Variants in FAM78A observed in about 807,000 individuals in gnomAD.
FAM78A encodes the protein family with sequence similarity 78 member A.
In FAM78A, 12 loss-of-function variants were observed where a neutral mutation model predicts 22.6. The ratio of observed to expected loss-of-function variants is 0.53; its 90% CI spans 0.34 to 0.86. The LOEUF (loss-of-function observed/expected upper bound fraction) is 0.86, where lower values mean the gene tolerates loss of function less well. FAM78A is among the 40% of genes least tolerant of loss of function. The pLI is 0.02. For missense variants in FAM78A, 322 were observed against 396.1 expected (o/e 0.81, Z 1.59); for synonymous variants, 151 against 155.8 (o/e 0.97, Z 0.23).
At position 131,275,760 on chromosome 9, in the gene FAM78A, T is replaced by A; in HGVS notation, c.323+97A>T. 1 of 1,305,136 alleles carries A rather than the reference T, an allele frequency of 7.7e-7. No individual in the cohort carries two copies. Among genetic ancestry groups the A allele is most frequent in the Non-Finnish European group, 1.0e-6 (1 of 961,370 alleles). 80.8% of individuals were successfully genotyped at this position (1,305,136 alleles called of 1,614,324 possible). A position where few individuals can be genotyped will look rare whatever the true frequency, so the allele number is the denominator to read the frequency against. On this transcript the variant is annotated intron_variant, in intron 1 of 1. Transcript: ENST00000372271. This position sits in a 1 kb window ranked among gnomAD's most constrained non-coding sequence, Gnocchi z 4.6. ...CCCTCTGGCCTCCGTCCTGTCTTCA[T>A]GGTATCTCCACCTTCCCCCTATCCG...
chr9:131,262,054 T>C (rs551158288), intron 1 of FAM78A, among the ~76,000 whole-genome samples: 21 of 151,616 alleles, frequency 1.4e-4, no homozygotes, highest in Middle Eastern at 6.8e-3. Context: ...TGGTGAAACC[T>C]CGTCTCTACT....
rs2131193080 is a variant in FAM78A, at chr9:131,272,477, A to G, written c.323+3380T>C. ...CAGGACACCCCCCACCAGCACAGAC[A>G]GAATTACCTGACCCTGGGCCAGGCA... On this transcript the variant is annotated intron_variant, in intron 1 of 1. Transcript: ENST00000372271. This position sits in a 1 kb window ranked among gnomAD's most constrained non-coding sequence, Gnocchi z 4.1. 6.6e-6 allele frequency among the ~76,000 whole-genome samples: 1 copy of G among 152,362 alleles called. No individual in the cohort carries two copies. The highest frequency in any genetic ancestry group is 1.5e-5 in the Non-Finnish European group (1 of 68,026).
chr9:131,279,841 G>T (rs1835525356), upstream of FAM78A, among the ~76,000 whole-genome samples: 1 of 152,190 alleles, frequency 6.6e-6, no homozygotes, highest in African/African-American at 2.4e-5. Context: ...AAAACCCAGG[G>T]ATCAGGGGAT....
upstream of FAM78A, among the ~76,000 whole-genome samples, chr9:131,278,281 C>T (rs1835510406): frequency 6.6e-6 from 1 of 152,188 alleles, no homozygotes; most frequent in African/African-American, 2.4e-5. Context: ...GCCAGGTGGG[C>T]TGCTCCCAGT....
In FAM78A at chr9:131,261,197, A is replaced by T; in HGVS notation, c.477T>A (p.Asn159Lys). 1.2e-6 allele frequency: 2 copies of T among 1,613,514 alleles called. No homozygotes were observed. Among genetic ancestry groups the T allele is most frequent in the Non-Finnish European group, 1.7e-6 (2 of 1,179,948 alleles). ...ATGTGACGCTGGGGTAAAAGTTGTC[A>T]TTCATGCTGATGATGAACTTGGAGT... The part of the protein sequence containing the change: ...KRDSKFIISM[N>K]DNFYPSVTWA... The change falls in exon 2 of 2, where the codon AAT becomes AAA. Residue 159 changes from asparagine to lysine, a missense_variant. Physicochemically the swap from Asn to Lys is moderately conservative, Grantham distance 94. Transcript: ENST00000372271. This position sits in a 1 kb window ranked among gnomAD's most constrained non-coding sequence, Gnocchi z 7.1.
Position 131,274,342 on chromosome 9 carries a change from C to T in FAM78A, c.323+1515G>A, listed in dbSNP as rs1001055496. On this transcript the variant is annotated intron_variant, in intron 1 of 1. Coordinates refer to ENST00000372271, the MANE Select transcript of FAM78A (RefSeq NM_033387.4). This position sits in a 1 kb window ranked among gnomAD's most constrained non-coding sequence, Gnocchi z 4.2. ...AAAACTTTTGTTTCTACAACTGTCCCGATGCCTTCAAAGCCCGAGGAGGTT... is the reference window on the plus strand; with the variant it reads ...AAAACTTTTGTTTCTACAACTGTCCTGATGCCTTCAAAGCCCGAGGAGGTT... 1.3e-4 allele frequency among the ~76,000 whole-genome samples: 20 copies of T among 152,214 alleles called. No individual in the cohort carries two copies. The highest frequency in any genetic ancestry group is 2.5e-4 in the Non-Finnish European group (17 of 68,040).
upstream of FAM78A, among the ~76,000 whole-genome samples, chr9:131,277,287 G>C (rs1835499198): frequency 6.6e-6 from 1 of 151,896 alleles, no homozygotes; most frequent in South Asian, 2.1e-4. This position sits in a 1 kb window ranked among gnomAD's most constrained non-coding sequence, Gnocchi z 8.4. Context: ...CCAGCGCCAG[G>C]TGCCCCTTCC....
Position 131,270,313 on chromosome 9 carries a change from AAAC to A in FAM78A, c.323+5541_323+5543del, listed in dbSNP as rs1306204551. The stretch of plus-strand genomic sequence containing the variant: ...TCACCTGCCTCAACTGTCCTCCCAC[AAAC>A]AACAGGTGAAGACGCTTCCTTCCCC... On this transcript the variant is annotated intron_variant, in intron 1 of 1. Coordinates refer to ENST00000372271, the MANE Select transcript of FAM78A (RefSeq NM_033387.4). 7.0e-6 allele frequency: 5 copies of A among 717,622 alleles called. No individual in the cohort carries two copies. The South Asian group carries it at 7.4e-5, about 11-fold the overall frequency. The allele number at this position is 717,622 out of a possible 1,614,324, so 44.5% of individuals were successfully genotyped here.
At chr9:131,280,328 C>T (rs773296879), upstream of FAM78A, among the ~76,000 whole-genome samples, 69 of 152,320 alleles carry the variant, frequency 4.5e-4, 1 homozygote, top group Admixed American at 3.1e-3. Flanking sequence ...CGTCATTTTC[C>T]GGAGCTCCGT....
upstream of FAM78A, among the ~76,000 whole-genome samples, chr9:131,277,021 G>A (rs1475756838): frequency 6.7e-6 from 1 of 149,948 alleles, no homozygotes; most frequent in Non-Finnish European, 1.5e-5. This position sits in a 1 kb window ranked among gnomAD's most constrained non-coding sequence, Gnocchi z 8.4. Flanking sequence ...GGGCGCGCGG[G>A]GGCGGCGACG....
chr9:131,270,342 C>G (rs1469378127), intron 1 of FAM78A: 2 of 717,496 alleles, frequency 2.8e-6, no homozygotes, highest in African/African-American at 1.7e-5. Flanking sequence ...TTCCTTCCCC[C>G]AAACACTGGG....
Position 131,276,132 on chromosome 9 carries a change from C to G in FAM78A, c.48G>C (p.Ala16=). Residue 16 remains alanine (A), a synonymous_variant, in exon 1 of 2, where the codon GCG becomes GCC. Coordinates refer to ENST00000372271, the MANE Select transcript of FAM78A (RefSeq NM_033387.4). The surrounding 1 kb of genome is among the most constrained non-coding windows in gnomAD (Gnocchi z 4.3). ...CDCWPSLEIR[A]LLYAMGCIQS... Reference sequence around the variant, plus strand: ...GAATACAGCCCATGGCATACAGGAGCGCTCTGATCTCCAGGGAAGGCCAGC... The same window carrying G: ...GAATACAGCCCATGGCATACAGGAGGGCTCTGATCTCCAGGGAAGGCCAGC... The G allele has an allele frequency of 6.2e-7, 1 of 1,613,568 alleles. No homozygotes were observed. The highest frequency in any genetic ancestry group is 8.5e-7 in the Non-Finnish European group (1 of 1,179,968).
rs1230655088 is a variant in FAM78A, at chr9:131,275,005, TAA to T, written c.323+850_323+851del. 6.6e-6 allele frequency among the ~76,000 whole-genome samples: 1 copy of T among 152,124 alleles called. No homozygotes were observed. Among genetic ancestry groups the T allele is most frequent in the Non-Finnish European group, 1.5e-5 (1 of 68,032 alleles). On this transcript the variant is annotated intron_variant, in intron 1 of 1. Transcript: ENST00000372271. This position sits in a 1 kb window ranked among gnomAD's most constrained non-coding sequence, Gnocchi z 4.6. ...CCTGTCTTAGGGTGAACCTTCAGAT[TAA>T]GTCACTCTCCCAACTCTGCCTAAAT...
intron 1 of FAM78A, chr9:131,264,257 G>A (rs902627144): frequency 3.1e-6 from 1 of 324,594 alleles, no homozygotes; most frequent in Non-Finnish European, 5.7e-6. Flanking sequence ...CCCCAGCCTT[G>A]GGGTTTTCTT....
Position 131,276,418 on chromosome 9 carries a change from T to G in FAM78A, c.-239A>C. The G allele has an allele frequency of 2.2e-6, 1 of 464,770 alleles. No individual in the cohort carries two copies. Among genetic ancestry groups the G allele is most frequent in the East Asian group, 3.5e-5 (1 of 28,500 alleles). The allele number at this position is 464,770 out of a possible 1,614,324, so 28.8% of individuals were successfully genotyped here. Reference sequence around the variant, plus strand: ...CTTTGGGTTAAAAAAAGTTTGTAGTTTAATGAATAATTATGCGGTTCTGAC... The same window carrying G: ...CTTTGGGTTAAAAAAAGTTTGTAGTGTAATGAATAATTATGCGGTTCTGAC... On this transcript the variant is annotated 5_prime_UTR_variant, in exon 1 of 2. Transcript: ENST00000372271. The surrounding 1 kb of genome is among the most constrained non-coding windows in gnomAD (Gnocchi z 4.3).
At chr9:131,263,571 C>G in intron 1 of FAM78A, 1 of 164,772 alleles carries the variant, frequency 6.1e-6, no homozygotes, top group South Asian at 1.4e-4. Flanking sequence ...CCATTGCACT[C>G]CAGCCTGGGT....
At position 131,276,118 on chromosome 9, in the gene FAM78A, A is replaced by C; in HGVS notation, c.62T>G (p.Met21Arg). Residue 21 changes from methionine to arginine, a missense_variant, in exon 1 of 2, where the codon ATG becomes AGG. Transcript: ENST00000372271. This position sits in a 1 kb window ranked among gnomAD's most constrained non-coding sequence, Gnocchi z 4.3. ...SLEIRALLYA[M>R]GCIQSIGGKA... ...GCCTCCGATGCTCTGAATACAGCCCATGGCATACAGGAGCGCTCTGATCTC... is the reference window on the plus strand; with the variant it reads ...GCCTCCGATGCTCTGAATACAGCCCCTGGCATACAGGAGCGCTCTGATCTC... The C allele has an allele frequency of 1.2e-6, 2 of 1,613,660 alleles. No individual in the cohort carries two copies. Among genetic ancestry groups the C allele is most frequent in the Non-Finnish European group, 1.7e-6 (2 of 1,180,024 alleles).
upstream of FAM78A, among the ~76,000 whole-genome samples, chr9:131,278,779 G>A (rs1260637941): frequency 1.3e-5 from 2 of 152,138 alleles, no homozygotes; most frequent in Admixed American, 1.3e-4. Flanking sequence ...TGTGACATAA[G>A]TACATCTGGC....
intron 1 of FAM78A, chr9:131,263,602 TAA>T (rs750504740): frequency 4.8e-4 from 76 of 157,770 alleles, no homozygotes; most frequent in South Asian, 1.9e-3. Flanking sequence ...GACCCTGTCT[TAA>T]AAAAAAAAAA....
Sources: allele counts gnomAD v4.1 joint callset (sites outside exome capture counted in the v4.1 genomes callset), GRCh38; gene constraint gnomAD v4.1.1; non-coding constraint Gnocchi (gnomAD v3.1); transcripts MANE v1.5; gene names NCBI Gene and HGNC (gene_info 2026-07-23, HGNC 2026-07-21).